Variants in PPM1H observed in about 807,000 individuals in gnomAD.
PPM1H encodes the protein protein phosphatase, Mg2+/Mn2+ dependent 1H, also known as protein phosphatase 1H.
In PPM1H, 27 loss-of-function variants were observed where a neutral mutation model predicts 54.9. The observed-to-expected ratio is 0.49, with a 90% CI of 0.36 to 0.68. The LOEUF (loss-of-function observed/expected upper bound fraction) is 0.68, where lower values mean the gene tolerates loss of function less well. PPM1H is among the 30% of genes least tolerant of loss of function. PPM1H has a pLI of 0.00. For synonymous variants in PPM1H, 305 were observed against 270.8 expected, an observed-to-expected ratio of 1.13 and a Z score of -1.24; for missense variants, 596 against 667.8, an observed-to-expected ratio of 0.89 and a Z score of 1.19.
intron 1 of PPM1H, among the ~76,000 whole-genome samples, chr12:62,857,666 T>C (rs1322852439): frequency 4.6e-5 from 7 of 152,174 alleles, no homozygotes; most frequent in African/African-American, 1.7e-4. Flanking sequence ...TTAAATTTTA[T>C]TTAAGCCCTT....
At chr12:62,758,884 T>C (rs2076490450) in intron 4 of PPM1H, among the ~76,000 whole-genome samples, 1 of 152,204 alleles carries the variant, frequency 6.6e-6, no homozygotes, top group African/African-American at 2.4e-5. Context: ...TAGCCTTAAC[T>C]GATGACATTC....
At chr12:62,793,954 T>C (rs1050182274) in intron 3 of PPM1H, among the ~76,000 whole-genome samples, 3 of 152,134 alleles carry the variant, frequency 2.0e-5, no homozygotes, top group African/African-American at 7.2e-5. Flanking sequence ...GGAGCAAGTG[T>C]TGGGTAGTTT....
At position 62,935,002 on chromosome 12, in the gene PPM1H, G is replaced by T. The variant is rs939527699; in HGVS notation, c.-266C>A. ...GCGGGCCGACCGGGGGAGTCACCGCGCGCTCCAGGAGCGCCCAGGCGGCTG... is the reference window on the plus strand; with the variant it reads ...GCGGGCCGACCGGGGGAGTCACCGCTCGCTCCAGGAGCGCCCAGGCGGCTG... On this transcript the variant is annotated 5_prime_UTR_variant, in exon 1 of 10. Transcript: ENST00000228705. 4.4e-6 allele frequency: 1 copy of T among 227,076 alleles called. No homozygotes were observed. The highest frequency in any genetic ancestry group is 1.1e-4 in the East Asian group (1 of 9,294). 14.1% of individuals were successfully genotyped at this position (227,076 alleles called of 1,614,324 possible).
At chr12:62,652,027 A>G (rs2136594443) in intron 9 of PPM1H, among the ~76,000 whole-genome samples, 2 of 152,260 alleles carry the variant, frequency 1.3e-5, no homozygotes, top group South Asian at 4.1e-4. Flanking sequence ...CCTAACTAAG[A>G]CTTAGGAAGA....
At chr12:62,928,251 G>A (rs699588) in intron 1 of PPM1H, among the ~76,000 whole-genome samples, 90,715 of 151,992 alleles carry the variant, frequency 0.6, 28,088 homozygotes, top group Non-Finnish European at 0.69. Context: ...ATGCTATACC[G>A]TTCTTAAGCT....
rs114276872 is a variant in PPM1H at position 62,731,520 on chromosome 12, A to C, written c.954+5982T>G. ...ACAACTCTTGAGCAGGAAAAATCCC[A>C]GAGAGCCAAGCAGCACCAGGGAAAC... On this transcript the variant is annotated intron_variant, in intron 5 of 9. Transcript: ENST00000228705. Among the ~76,000 whole-genome samples the C allele has an allele frequency of 3.9e-3, 600 of 152,334 alleles. 4 individuals are homozygous for C. Among genetic ancestry groups the C allele is most frequent in the African/African-American group, 0.014 (564 of 41,578 alleles).
intron 3 of PPM1H, among the ~76,000 whole-genome samples, chr12:62,794,864 C>T (rs1296019709): frequency 6.6e-6 from 1 of 152,154 alleles, no homozygotes; most frequent in African/African-American, 2.4e-5. Flanking sequence ...CAAAACAGAG[C>T]TAAGCCAGGC....
At chr12:62,822,443 C>A (rs892924233) in intron 2 of PPM1H, among the ~76,000 whole-genome samples, 1 of 152,138 alleles carries the variant, frequency 6.6e-6, no homozygotes, top group Non-Finnish European at 1.5e-5. Flanking sequence ...AATCAACAGA[C>A]TATACATTCT....
chr12:62,921,897 C>A (rs1449343033), intron 1 of PPM1H, among the ~76,000 whole-genome samples: 3 of 152,134 alleles, frequency 2.0e-5, no homozygotes, highest in Admixed American at 1.3e-4. Context: ...ACGATTTAAG[C>A]CCCATTATTC....
intron 1 of PPM1H, among the ~76,000 whole-genome samples, chr12:62,926,092 T>C (rs1871964240): frequency 6.6e-6 from 1 of 152,174 alleles, no homozygotes; most frequent in Non-Finnish European, 1.5e-5. Context: ...TGAGACAAAC[T>C]GAACCTATTG....
At chr12:62,731,128 G>A (rs1235289539) in intron 5 of PPM1H, among the ~76,000 whole-genome samples, 2 of 152,152 alleles carry the variant, frequency 1.3e-5, no homozygotes, top group African/African-American at 2.4e-5. Flanking sequence ...AAATTTCTAC[G>A]TGATCCAGGG....
chr12:62,780,747 C>A (rs1388704022), intron 4 of PPM1H, among the ~76,000 whole-genome samples: 1 of 152,168 alleles, frequency 6.6e-6, no homozygotes, highest in Non-Finnish European at 1.5e-5. Flanking sequence ...TTCATATCAC[C>A]TACACATTAG....
intron 5 of PPM1H, among the ~76,000 whole-genome samples, chr12:62,724,393 G>C (rs1339320951): frequency 6.6e-6 from 1 of 152,168 alleles, no homozygotes; most frequent in Non-Finnish European, 1.5e-5. Flanking sequence ...CTTTGATGGT[G>C]CTTTAAACCA....
intron 8 of PPM1H, among the ~76,000 whole-genome samples, chr12:62,676,640 G>A (rs1448943554): frequency 6.6e-6 from 1 of 152,188 alleles, no homozygotes; most frequent in African/African-American, 2.4e-5. Flanking sequence ...GACCCGGCTG[G>A]GTGTGTGGGG....
At chr12:62,755,716 C>T (rs2076469551) in intron 4 of PPM1H, 7 of 703,600 alleles carry the variant, frequency 9.9e-6, no homozygotes, top group Non-Finnish European at 1.5e-5. Context: ...CAAGGTTATC[C>T]ATGACAACTC....
intron 5 of PPM1H, among the ~76,000 whole-genome samples, chr12:62,736,511 C>T (rs187956795): frequency 3.9e-5 from 6 of 152,276 alleles, no homozygotes; most frequent in Admixed American, 2.0e-4. Context: ...CTGTCTTATA[C>T]ACCAAATAAG....
At chr12:62,828,055 G>A (rs939266693) in intron 2 of PPM1H, among the ~76,000 whole-genome samples, 1 of 152,090 alleles carries the variant, frequency 6.6e-6, no homozygotes, top group Non-Finnish European at 1.5e-5. Flanking sequence ...GGTACAATCC[G>A]CTTTACTTAT....
Position 62,721,615 on chromosome 12 carries a change from GAA to G in PPM1H, c.955-1328_955-1327del, listed in dbSNP as rs1360529857. Among the ~76,000 whole-genome samples the G allele has an allele frequency of 9.9e-3, 1,507 of 152,258 alleles. 21 individuals are homozygous for G. The highest frequency in any genetic ancestry group is 0.035 in the African/African-American group (1,441 of 41,530). ...AGGTTTTACAGAGAGGTTCTCCTGG[GAA>G]GGAATGAAGGGAACTAACACTTAAT... On this transcript the variant is annotated intron_variant, in intron 5 of 9. Transcript: ENST00000228705.
In PPM1H at chr12:62,644,298, C is replaced by T. The variant is rs900401022; in HGVS notation, c.*4191G>A. 3.0e-4 allele frequency: 46 copies of T among 152,052 alleles called. No homozygotes were observed. Among genetic ancestry groups the T allele is most frequent in the African/African-American group, 1.1e-3 (44 of 41,442 alleles). 9.4% of individuals were successfully genotyped at this position (152,052 alleles called of 1,614,324 possible). On this transcript the variant is annotated 3_prime_UTR_variant, in exon 10 of 10. Transcript: ENST00000228705. ...ATCTCCACCATGGGCCTCCCTGGGTCTCCAGAAAAAAAACAAAGAAAACTG... is the reference window on the plus strand; with the variant it reads ...ATCTCCACCATGGGCCTCCCTGGGTTTCCAGAAAAAAAACAAAGAAAACTG...
Sources: gnomAD v4.1 joint callset for allele counts (sites outside exome capture counted in the v4.1 genomes callset) on GRCh38, gnomAD v4.1.1 for gene constraint, MANE v1.5 for transcripts, NCBI Gene and HGNC (gene_info 2026-07-23, HGNC 2026-07-21) for gene names.